The following PTPN13 variants were observed in gnomAD, a reference collection of about 807,000 sequenced individuals.
The protein encoded by PTPN13 is tyrosine-protein phosphatase non-receptor type 13.
In PTPN13, 191 loss-of-function variants were observed where a neutral mutation model predicts 284.0. The ratio of observed to expected loss-of-function variants is 0.67; its 90% CI spans 0.60 to 0.76. The LOEUF (loss-of-function observed/expected upper bound fraction) is 0.76, where lower values mean the gene tolerates loss of function less well. Ranked by LOEUF, PTPN13 falls within the 30% of genes least tolerant of loss-of-function variation. The pLI, the probability that PTPN13 is intolerant of heterozygous loss-of-function variation, is 0.00. For synonymous variants in PTPN13, 986 were observed against 1,022.3 expected, an observed-to-expected ratio of 0.96 and a Z score of 0.68; for missense variants, 2,797 against 2,939.9, an observed-to-expected ratio of 0.95 and a Z score of 1.12.
intron 42 of PTPN13, among the ~76,000 whole-genome samples, chr4:86,801,031 A>G (rs189668270): frequency 6.6e-6 from 1 of 152,304 alleles, no homozygotes; most frequent in African/African-American, 2.4e-5. Context: ...AAATGCTTTA[A>G]TCAGCTGATT....
At position 86,805,451 on chromosome 4, in the gene PTPN13, A is replaced by G. The variant is rs1051783273; in HGVS notation, c.6745+82A>G. Reference sequence around the variant, plus strand: ...AAAATTTTTTGTGTTTAACTTACCTATCCCTCACATAACCGTGTGCATGTG... The same window carrying G: ...AAAATTTTTTGTGTTTAACTTACCTGTCCCTCACATAACCGTGTGCATGTG... On this transcript the variant is annotated intron_variant, in intron 44 of 47. Coordinates refer to ENST00000411767, the MANE Select transcript of PTPN13 (RefSeq NM_080683.3). 19 of 679,964 alleles carry G rather than the reference A, an allele frequency of 2.8e-5. No individual in the cohort carries two copies. The African/African-American group carries it at 3.2e-4, about 11-fold the overall frequency. The allele number at this position is 679,964 out of a possible 1,614,324, so 42.1% of individuals were successfully genotyped here.
intron 44 of PTPN13, among the ~76,000 whole-genome samples, chr4:86,806,457 C>T (rs1352573715): frequency 6.6e-6 from 1 of 151,910 alleles, no homozygotes; most frequent in Non-Finnish European, 1.5e-5. Context: ...TTTTCTAATC[C>T]AGATAGAAAG....
At chr4:86,677,837 A>G (rs1053309753) in intron 3 of PTPN13, among the ~76,000 whole-genome samples, 1 of 152,118 alleles carries the variant, frequency 6.6e-6, no homozygotes, top group Non-Finnish European at 1.5e-5. Flanking sequence ...TTTCCATCTT[A>G]TTAGTTTTTA....
At chr4:86,655,418 C>G (rs571039833) in intron 2 of PTPN13, among the ~76,000 whole-genome samples, 1 of 152,226 alleles carries the variant, frequency 6.6e-6, no homozygotes, top group East Asian at 1.9e-4. Context: ...CTTTCAGGAG[C>G]TCTTTTAGGG....
chr4:86,782,269 A>G lies in PTPN13; in HGVS notation c.6024+7A>G, dbSNP rs758420310. 1.3e-6 allele frequency: 2 copies of G among 1,597,338 alleles called. No homozygotes were observed. The highest frequency in any genetic ancestry group is 3.3e-5 in the Admixed American group (2 of 60,004). On this transcript the variant is annotated splice_region_variant and intron_variant, in intron 37 of 47. Coordinates refer to ENST00000411767, the MANE Select transcript of PTPN13 (RefSeq NM_080683.3). ...TAATGATTCATTCTCCACGGTAAGAAAAAGCCCACCCTCTTTCATGTCATA... is the reference window on the plus strand; with the variant it reads ...TAATGATTCATTCTCCACGGTAAGAGAAAGCCCACCCTCTTTCATGTCATA...
chr4:86,606,155 TG>T, intron 1 of PTPN13, among the ~76,000 whole-genome samples: 1 of 152,010 alleles, frequency 6.6e-6, no homozygotes, highest in East Asian at 1.9e-4. Context: ...TTCCTCTATC[TG>T]CCACTTTTTT....
Position 86,770,149 on chromosome 4 carries a change from C to A in PTPN13, c.4753C>A (p.Leu1585Ile). 1.2e-6 allele frequency: 2 copies of A among 1,613,780 alleles called. No individual in the cohort carries two copies. The highest frequency in any genetic ancestry group is 4.5e-5 in the East Asian group (2 of 44,882). The change falls in exon 30 of 48, where the codon CTC (leucine) becomes ATC (isoleucine). Residue 1585 changes from leucine (L) to isoleucine (I), a missense_variant. Leu to Ile is a conservative substitution (Grantham distance 5, BLOSUM62 2). Coordinates refer to ENST00000411767, the MANE Select transcript of PTPN13 (RefSeq NM_080683.3). The stretch of plus-strand genomic sequence containing the variant: ...AACTGCTCCAGAAGTATTCTTGCTT[C>A]TCTGCAGACCTCCACCTGGTGTGCT... The part of the protein sequence containing the change: ...RGTAPEVFLL[L>I]CRPPPGVLPE...
At chr4:86,809,716 T>C in intron 45 of PTPN13, 53 bp from the exon 46 acceptor site, 1 of 1,488,408 alleles carries the variant, frequency 6.7e-7, no homozygotes. Flanking sequence ...GAATTAACTG[T>C]ATGTGAACAA....
At chr4:86,681,808 A>T (rs1728923978) in intron 3 of PTPN13, among the ~76,000 whole-genome samples, 1 of 152,102 alleles carries the variant, frequency 6.6e-6, no homozygotes, top group Admixed American at 6.6e-5. Flanking sequence ...GGTGCCTGTA[A>T]TCCCAGCTAC....
At chr4:86,812,473 A>T (rs1365675471) in intron 47 of PTPN13, among the ~76,000 whole-genome samples, 1 of 152,236 alleles carries the variant, frequency 6.6e-6, no homozygotes, top group Non-Finnish European at 1.5e-5. Context: ...AGGATCCCTG[A>T]AAGTGGTAAG....
chr4:86,635,956 C>T (rs761647820), intron 2 of PTPN13, among the ~76,000 whole-genome samples: 3 of 151,878 alleles, frequency 2.0e-5, no homozygotes, highest in Admixed American at 6.6e-5. Context: ...GAGTGAGACT[C>T]CTCTCAAAAA....
intron 3 of PTPN13, among the ~76,000 whole-genome samples, chr4:86,679,646 T>C (rs1157064912): frequency 6.6e-6 from 1 of 152,226 alleles, no homozygotes; most frequent in African/African-American, 2.4e-5. Flanking sequence ...CAGAGGTATC[T>C]ATGATTTGTT....
intron 3 of PTPN13, among the ~76,000 whole-genome samples, chr4:86,680,343 CTATCTCTA>C (rs879312116): frequency 8.4e-4 from 120 of 142,508 alleles, no homozygotes; most frequent in Admixed American, 2.0e-3. Context: ...TCCTTTCTAT[CTATCTCTA>C]TCTATCTATC....
intron 35 of PTPN13, among the ~76,000 whole-genome samples, chr4:86,779,741 C>A (rs1177675225): frequency 6.6e-6 from 1 of 152,116 alleles, no homozygotes; most frequent in East Asian, 1.9e-4. Context: ...CAACTCCCCT[C>A]TTCTCTCAAT....
intron 19 of PTPN13, 118 bp downstream of exon 19, chr4:86,751,242 T>C: frequency 1.4e-6 from 1 of 714,046 alleles, no homozygotes; most frequent in East Asian, 2.7e-5. Flanking sequence ...CAAAACTGAA[T>C]ATAAATTTTA....
intron 1 of PTPN13, among the ~76,000 whole-genome samples, chr4:86,616,539 G>C (rs1278604412): frequency 7.2e-5 from 11 of 151,868 alleles, no homozygotes; most frequent in East Asian, 1.9e-4. Context: ...TTAGATCGTG[G>C]GGCCATGGGG....
At chr4:86,632,783 C>A (rs1230483871) in intron 1 of PTPN13, among the ~76,000 whole-genome samples, 1 of 151,890 alleles carries the variant, frequency 6.6e-6, no homozygotes, top group Non-Finnish European at 1.5e-5. Flanking sequence ...ATATACTTCA[C>A]ATACAATAAA....
In PTPN13 at chr4:86,769,961, C is replaced by G. The variant is rs187596179; in HGVS notation, c.4682C>G (p.Ser1561Cys). The G allele has an allele frequency of 2.4e-5, 38 of 1,613,868 alleles. No individual in the cohort carries two copies. The South Asian group carries it at 2.9e-4, about 12-fold the overall frequency. The change falls in exon 29 of 48, where the codon TCT (serine) becomes TGT (cysteine). Residue 1561 changes from serine to cysteine, a missense_variant. Ser to Cys is a moderately radical substitution (Grantham distance 112, BLOSUM62 -1). Transcript: ENST00000411767. ...GTTATCTTGAAAGTGAATGGAGCCTCTTTGAAAGGACTATCTCAGCAGGTG... is the reference window on the plus strand; with the variant it reads ...GTTATCTTGAAAGTGAATGGAGCCTGTTTGAAAGGACTATCTCAGCAGGTG... ...GDVILKVNGA[S>C]LKGLSQQEVI...
chr4:86,623,722 TTC>T (rs1303074310), intron 1 of PTPN13, among the ~76,000 whole-genome samples: 3 of 152,232 alleles, frequency 2.0e-5, no homozygotes, highest in African/African-American at 4.8e-5. Context: ...GCCCAGAATG[TTC>T]TTTCCTATGT....
Sources: allele counts gnomAD v4.1 joint callset (sites outside exome capture counted in the v4.1 genomes callset), GRCh38; gene constraint gnomAD v4.1.1; transcripts MANE v1.5; gene names NCBI Gene and HGNC (gene_info 2026-07-23, HGNC 2026-07-21).